Variants in THSD7B observed in about 807,000 individuals in gnomAD.
THSD7B encodes the protein thrombospondin type-1 domain-containing protein 7B.
In THSD7B, 138 loss-of-function variants were observed where a neutral mutation model predicts 213.6. The ratio of observed to expected loss-of-function variants is 0.65; its 90% CI spans 0.56 to 0.74. The LOEUF (loss-of-function observed/expected upper bound fraction) is 0.74. THSD7B is among the 30% of genes least tolerant of loss of function. The pLI is 0.00. For missense variants in THSD7B, 1,931 were observed against 1,991.5 expected (o/e 0.97, Z 0.58); for synonymous variants, 742 against 687.0 (o/e 1.08, Z -1.25).
chr2:137,064,262 G>A (rs887415866), intron 3 of THSD7B, among the ~76,000 whole-genome samples: 2 of 152,034 alleles, frequency 1.3e-5, no homozygotes, highest in African/African-American at 4.8e-5. Context: ...GATCAGTGAT[G>A]CTGAGCACCT....
At chr2:137,002,682 G>A (rs2104826365) in intron 2 of THSD7B, among the ~76,000 whole-genome samples, 1 of 152,192 alleles carries the variant, frequency 6.6e-6, no homozygotes, top group South Asian at 2.1e-4. Context: ...ATCATTGTCT[G>A]TATCACTCTA....
At chr2:137,602,972 TCTGA>T (rs1316377581) in intron 17 of THSD7B, among the ~76,000 whole-genome samples, 2 of 152,090 alleles carry the variant, frequency 1.3e-5, no homozygotes, top group African/African-American at 2.4e-5. Flanking sequence ...CATCCCAGAG[TCTGA>T]CTGTCTGTGC....
Position 137,318,786 on chromosome 2 carries a change from C to CTTTTTTTTT in THSD7B, c.2500+42777_2500+42785dup, listed in dbSNP as rs70978212. On this transcript the variant is annotated intron_variant, in intron 12 of 27. Coordinates refer to ENST00000409968, the MANE Select transcript of THSD7B (RefSeq NM_001316349.2). ...CCAACTCTAAAATAGGAATGCTTAT[C>CTTTTTTTTT]TTTTTTTTTTTTTTTTTTTTTTTTT... is the stretch of plus-strand genomic sequence containing the variant. 1.0e-3 allele frequency among the ~76,000 whole-genome samples: 74 copies of CTTTTTTTTT among 73,676 alleles called. 9 individuals are homozygous for CTTTTTTTTT. The highest frequency in any genetic ancestry group is 1.3e-3 in the African/African-American group (21 of 16,148). 48.3% of individuals were successfully genotyped at this position (73,676 alleles called of 152,430 possible).
At position 136,812,641 on chromosome 2, in the gene THSD7B, G is replaced by A. The variant is rs59395879; in HGVS notation, c.-36+46954G>A. 8.8e-3 allele frequency among the ~76,000 whole-genome samples: 1,336 copies of A among 152,282 alleles called. 26 individuals carry two copies. The highest frequency in any genetic ancestry group is 0.031 in the African/African-American group (1,288 of 41,550). ...GCAATTCACAGAAGTAGGCATCACA[G>A]TATGTTCATTTCCTAGATGAAGAGA... On this transcript the variant is annotated intron_variant, in intron 1 of 27. Transcript: ENST00000409968.
At chr2:137,373,540 G>A (rs1685581860) in intron 12 of THSD7B, among the ~76,000 whole-genome samples, 1 of 152,064 alleles carries the variant, frequency 6.6e-6, no homozygotes, top group South Asian at 2.1e-4. Context: ...CTTGTTGATG[G>A]GGTTGTTTGT....
intron 2 of THSD7B, among the ~76,000 whole-genome samples, chr2:137,043,526 T>C (rs1686918881): frequency 6.6e-6 from 1 of 152,202 alleles, no homozygotes; most frequent in Non-Finnish European, 1.5e-5. Context: ...TCGATTCTTA[T>C]CAGTTTTGCT....
chr2:136,898,075 T>C (rs1683995178), intron 2 of THSD7B, among the ~76,000 whole-genome samples: 1 of 152,212 alleles, frequency 6.6e-6, no homozygotes, highest in South Asian at 2.1e-4. Flanking sequence ...CGCTGATCAG[T>C]GCATTTACAG....
chr2:137,316,217 C>G (rs1439687638), intron 12 of THSD7B, among the ~76,000 whole-genome samples: 1 of 152,202 alleles, frequency 6.6e-6, no homozygotes. Context: ...AAAAATACCA[C>G]AACCGATACC....
At chr2:136,990,886 G>T in intron 2 of THSD7B, 1 of 1,345,236 alleles carries the variant, frequency 7.4e-7, no homozygotes, top group African/African-American at 1.5e-5. Context: ...ATTCAGAGGC[G>T]AAACGATGCA....
At chr2:137,099,325 T>C (rs746206537) in intron 4 of THSD7B, among the ~76,000 whole-genome samples, 2 of 152,244 alleles carry the variant, frequency 1.3e-5, no homozygotes, top group Admixed American at 6.5e-5. Context: ...ATATCCCAGA[T>C]CTCAACTAAG....
At chr2:136,827,428 T>G (rs2104943572) in intron 1 of THSD7B, among the ~76,000 whole-genome samples, 1 of 152,296 alleles carries the variant, frequency 6.6e-6, no homozygotes, top group East Asian at 1.9e-4. Context: ...TTTAGTTCTC[T>G]AGGCCAGGGC....
chr2:137,527,505 A>G (rs533183206), intron 15 of THSD7B, among the ~76,000 whole-genome samples: 47 of 152,118 alleles, frequency 3.1e-4, no homozygotes, highest in Non-Finnish European at 4.7e-4. Context: ...TTAGCTGAAC[A>G]TTGTGGTTAT....
At chr2:137,437,284 A>G (rs1227814557) in intron 14 of THSD7B, among the ~76,000 whole-genome samples, 1 of 152,094 alleles carries the variant, frequency 6.6e-6, no homozygotes, top group African/African-American at 2.4e-5. Flanking sequence ...GAAAATCCTT[A>G]CTAATGATGT....
chr2:137,294,444 G>C (rs540660369), intron 12 of THSD7B, among the ~76,000 whole-genome samples: 1 of 151,776 alleles, frequency 6.6e-6, no homozygotes, highest in Non-Finnish European at 1.5e-5. Context: ...TTAGCTGGAC[G>C]TGGTGGTGAG....
intron 2 of THSD7B, among the ~76,000 whole-genome samples, chr2:136,892,565 G>C (rs1377827555): frequency 6.6e-6 from 1 of 151,704 alleles, no homozygotes; most frequent in Non-Finnish European, 1.5e-5. Flanking sequence ...TTAGTCCCCA[G>C]TATTTCACGT....
intron 12 of THSD7B, among the ~76,000 whole-genome samples, chr2:137,375,016 T>C (rs375994842): frequency 6.6e-6 from 1 of 152,208 alleles, no homozygotes; most frequent in African/African-American, 2.4e-5. Context: ...ACTTGGGTGC[T>C]ATGAAGACTT....
At chr2:136,899,503 ACTTCAGTT>A (rs1372849871) in intron 2 of THSD7B, among the ~76,000 whole-genome samples, 1 of 152,220 alleles carries the variant, frequency 6.6e-6, no homozygotes, top group Non-Finnish European at 1.5e-5. Context: ...TCGGTTTTGT[ACTTCAGTT>A]TCCAGTGAAG....
rs182744949 is a variant in THSD7B at position 137,559,296 on chromosome 2, C to T, written c.3139-3925C>T. ...AAAAAACAAAGCTGGAGGCATCACG[C>T]TACCTGACTTCAAACTATACTGCAA... On this transcript the variant is annotated intron_variant, in intron 15 of 27. Transcript: ENST00000409968. 5.0e-3 allele frequency among the ~76,000 whole-genome samples: 763 copies of T among 152,284 alleles called. 9 individuals carry two copies. The highest frequency in any genetic ancestry group is 0.018 in the African/African-American group (739 of 41,554).
chr2:136,875,557 T>G (rs141993024), intron 1 of THSD7B, among the ~76,000 whole-genome samples: 1 of 152,156 alleles, frequency 6.6e-6, no homozygotes, highest in East Asian at 1.9e-4. Context: ...TATTCCAGAT[T>G]GTTTTGGTCA....
Sources: allele counts gnomAD v4.1 joint callset (sites outside exome capture counted in the v4.1 genomes callset), GRCh38; gene constraint gnomAD v4.1.1; transcripts MANE v1.5; gene names NCBI Gene and HGNC (gene_info 2026-07-23, HGNC 2026-07-21).